The following PTDSS2 variants were observed in gnomAD, a reference collection of about 807,000 sequenced individuals.
PTDSS2 encodes the protein PSS-2.
In PTDSS2, 41 loss-of-function variants were observed where a neutral mutation model predicts 64.7. The ratio of observed to expected loss-of-function variants is 0.63; its 90% CI spans 0.49 to 0.82. The LOEUF (loss-of-function observed/expected upper bound fraction) is 0.82, where lower values mean the gene tolerates loss of function less well. Ranked by LOEUF, PTDSS2 falls within the 40% of genes least tolerant of loss-of-function variation. PTDSS2 has a pLI of 0.00. For synonymous variants in PTDSS2, 297 were observed against 277.8 expected, an observed-to-expected ratio of 1.07 and a Z score of -0.69; for missense variants, 485 against 650.0, an observed-to-expected ratio of 0.75 and a Z score of 2.76.
intron 3 of PTDSS2, among the ~76,000 whole-genome samples, chr11:474,628 T>C (rs1163803946): frequency 6.6e-6 from 1 of 152,230 alleles, no homozygotes; most frequent in East Asian, 1.9e-4. Flanking sequence ...AATCTCAGTG[T>C]ACTCTGTCCC....
intron 3 of PTDSS2, among the ~76,000 whole-genome samples, chr11:477,777 G>A (rs996651852): frequency 3.9e-5 from 6 of 152,240 alleles, no homozygotes; most frequent in African/African-American, 1.2e-4. Flanking sequence ...CTTGTGGGGC[G>A]AGGGCTGCCC....
chr11:467,737 A>AATATAG (rs575918711), intron 2 of PTDSS2, among the ~76,000 whole-genome samples: 13 of 152,198 alleles, frequency 8.5e-5, no homozygotes, highest in Admixed American at 5.2e-4. Flanking sequence ...TGTCTCAAAA[A>AATATAG]ATATAGATAT....
At position 470,945 on chromosome 11, in the gene PTDSS2, G is replaced by A. The variant is rs542842181; in HGVS notation, c.285-2950G>A. 6.6e-6 allele frequency among the ~76,000 whole-genome samples: 1 copy of A among 152,178 alleles called. No individual in the cohort carries two copies. Among genetic ancestry groups the A allele is most frequent in the South Asian group, 2.1e-4 (1 of 4,818 alleles). On this transcript the variant is annotated intron_variant, in intron 2 of 11. Coordinates refer to ENST00000308020, the MANE Select transcript of PTDSS2 (RefSeq NM_030783.3). The surrounding 1 kb of genome is among the most constrained non-coding windows in gnomAD (Gnocchi z 5.3). Reference sequence around the variant, plus strand: ...GGAAAACTGGGCCTGTGAGATATGGGAGCTTTTACTATTTTTACAATAATT... The same window carrying A: ...GGAAAACTGGGCCTGTGAGATATGGAAGCTTTTACTATTTTTACAATAATT...
rs754282328 is a variant in PTDSS2, at chr11:489,946, G to C, written c.1179G>C (p.Leu393=). The C allele has an allele frequency of 1.2e-6, 2 of 1,610,104 alleles. No homozygotes were observed. Among genetic ancestry groups the C allele is most frequent in the East Asian group, 4.5e-5 (2 of 44,828 alleles). Residue 393 remains leucine (L), a synonymous_variant, in exon 11 of 12, where the codon CTG becomes CTC. Transcript: ENST00000308020. The part of the protein sequence containing the change: ...WLVAAITATE[L]LIVVKYDPHT... Reference sequence around the variant, plus strand: ...TGGCGGCCATCACGGCCACGGAGCTGCTCATCGTGGTGAAGTACGACCCCC... The same window carrying C: ...TGGCGGCCATCACGGCCACGGAGCTCCTCATCGTGGTGAAGTACGACCCCC...
chr11:474,988 TACGGAC>T (rs1310076211), intron 3 of PTDSS2, among the ~76,000 whole-genome samples: 4 of 95,650 alleles, frequency 4.2e-5, no homozygotes, highest in African/African-American at 9.4e-5. Context: ...GCGTTTGTGA[TACGGAC>T]ATATTCACGA....
In PTDSS2 at chr11:476,730, T is replaced by C. The variant is rs956586252; in HGVS notation, c.368-2355T>C. Reference sequence around the variant, plus strand: ...GCTTCCAAAAGCTCCGGCCGCGGCGTCTCTTGAGTTGTGGCTCGTCCCCTC... The same window carrying C: ...GCTTCCAAAAGCTCCGGCCGCGGCGCCTCTTGAGTTGTGGCTCGTCCCCTC... On this transcript the variant is annotated intron_variant, in intron 3 of 11. Transcript: ENST00000308020. The surrounding 1 kb of genome is among the most constrained non-coding windows in gnomAD (Gnocchi z 4.9). Among the ~76,000 whole-genome samples the C allele has an allele frequency of 2.0e-5, 3 of 152,084 alleles. No individual in the cohort carries two copies. Among genetic ancestry groups the C allele is most frequent in the African/African-American group, 7.2e-5 (3 of 41,408 alleles).
chr11:460,432 G>C lies in PTDSS2; in HGVS notation c.284+144G>C. 1.5e-6 allele frequency: 1 copy of C among 659,150 alleles called. No individual in the cohort carries two copies. Among genetic ancestry groups the C allele is most frequent in the Non-Finnish European group, 2.7e-6 (1 of 370,612 alleles). 40.8% of individuals were successfully genotyped at this position (659,150 alleles called of 1,614,324 possible). On this transcript the variant is annotated intron_variant, in intron 2 of 11. Coordinates refer to ENST00000308020, the MANE Select transcript of PTDSS2 (RefSeq NM_030783.3). The surrounding 1 kb of genome is among the most constrained non-coding windows in gnomAD (Gnocchi z 5.8). ...GGCCGCCGGCCTCTCCCTTGAGTGT[G>C]TCTGATGTGCAGACTCCAGGGCTGC... is the stretch of plus-strand genomic sequence containing the variant.
chr11:482,908 C>T (rs1473268480), intron 4 of PTDSS2, among the ~76,000 whole-genome samples: 2 of 133,830 alleles, frequency 1.5e-5, no homozygotes, highest in Non-Finnish European at 3.1e-5. Context: ...GTGAGTTTTT[C>T]GTAGATCTCC....
At chr11:484,868 G>GTC (rs780283486) in intron 4 of PTDSS2, among the ~76,000 whole-genome samples, 1 of 142,104 alleles carries the variant, frequency 7.0e-6, no homozygotes, top group African/African-American at 2.7e-5. Context: ...TGTGCTCACT[G>GTC]TGCGCAGGCG....
At chr11:485,364 A>T (rs1418976067) in intron 4 of PTDSS2, among the ~76,000 whole-genome samples, 1 of 133,990 alleles carries the variant, frequency 7.5e-6, no homozygotes, top group Admixed American at 7.8e-5. Flanking sequence ...AGGCGTCTGT[A>T]AACAGTGCAT....
At chr11:486,505 CAG>C (rs1848395993) in intron 4 of PTDSS2, among the ~76,000 whole-genome samples, 1 of 152,202 alleles carries the variant, frequency 6.6e-6, no homozygotes. Flanking sequence ...GCTGCTGAGA[CAG>C]GGCGCTGCCC....
At chr11:482,387 T>C (rs187421618) in intron 4 of PTDSS2, among the ~76,000 whole-genome samples, 1 of 152,274 alleles carries the variant, frequency 6.6e-6, no homozygotes, top group East Asian at 1.9e-4. Context: ...CACACCCGAC[T>C]AATTTTGTAT....
At position 484,553 on chromosome 11, in the gene PTDSS2, C is replaced by T. The variant is rs560102418; in HGVS notation, c.436-2386C>T. On this transcript the variant is annotated intron_variant, in intron 4 of 11. Coordinates refer to ENST00000308020, the MANE Select transcript of PTDSS2 (RefSeq NM_030783.3). Reference sequence around the variant, plus strand: ...CAGGAGAGTGTAAACAGTGCACGGGCGCGTGTGTGCTCACTGCGCAGGCAT... The same window carrying T: ...CAGGAGAGTGTAAACAGTGCACGGGTGCGTGTGTGCTCACTGCGCAGGCAT... Among the ~76,000 whole-genome samples, 38 of 140,484 alleles carry T rather than the reference C, an allele frequency of 2.7e-4. 1 individual carries two copies. The highest frequency in any genetic ancestry group is 2.2e-3 in the Admixed American group (33 of 14,720). 92.2% of individuals were successfully genotyped at this position (140,484 alleles called of 152,430 possible). A position where few individuals can be genotyped will look rare whatever the true frequency, so the allele number is the denominator to read the frequency against.
chr11:482,504 A>G (rs968145587), intron 4 of PTDSS2, among the ~76,000 whole-genome samples: 1 of 151,656 alleles, frequency 6.6e-6, no homozygotes, highest in Non-Finnish European at 1.5e-5. Flanking sequence ...TGTGGAGATG[A>G]GGTTTCGCCA....
At chr11:477,229 T>A (rs1425630262) in intron 3 of PTDSS2, among the ~76,000 whole-genome samples, 3 of 152,234 alleles carry the variant, frequency 2.0e-5, no homozygotes, top group Non-Finnish European at 4.4e-5. Context: ...TGGCTGCAGC[T>A]CTGAGGGAGG....
In PTDSS2 at chr11:489,523, G is replaced by A. The variant is rs112439858; in HGVS notation, c.969+9G>A. Reference sequence around the variant, plus strand: ...GCGGCATCATCCTGGTGGTAAGGCCGGGCTGCCTCGCGACGGCGCGGCGGG... The same window carrying A: ...GCGGCATCATCCTGGTGGTAAGGCCAGGCTGCCTCGCGACGGCGCGGCGGG... On this transcript the variant is annotated intron_variant, in intron 9 of 11. Coordinates refer to ENST00000308020, the MANE Select transcript of PTDSS2 (RefSeq NM_030783.3). The A allele has an allele frequency of 3.6e-4, 586 of 1,611,842 alleles. 2 individuals carry two copies. In the African/African-American group the frequency reaches 7.1e-3, roughly 19 times the overall value.
At position 489,380 on chromosome 11, in the gene PTDSS2, G is replaced by A; in HGVS notation, c.855-20G>A. ...TTCGGTGGGCTGCCTTCCTCAGGCT[G>A]CCGGCTCTGTGGTTCCCAGGGGCAA... On this transcript the variant is annotated intron_variant, in intron 8 of 11. Transcript: ENST00000308020. 1 of 1,605,600 alleles carries A rather than the reference G, an allele frequency of 6.2e-7. No homozygotes were observed. Among genetic ancestry groups the A allele is most frequent in the Non-Finnish European group, 8.5e-7 (1 of 1,174,648 alleles).
chr11:486,252 G>A (rs2133835419), intron 4 of PTDSS2, among the ~76,000 whole-genome samples: 1 of 152,282 alleles, frequency 6.6e-6, no homozygotes, highest in Non-Finnish European at 1.5e-5. Flanking sequence ...TTCCACAAGG[G>A]CGACTCCTGT....
At chr11:448,934 C>T (rs1846205356), upstream of PTDSS2, among the ~76,000 whole-genome samples, 1 of 152,164 alleles carries the variant, frequency 6.6e-6, no homozygotes, top group Admixed American at 6.5e-5. Context: ...TGTAGTCGCT[C>T]CTTATTACCC....
Sources: allele counts gnomAD v4.1 joint callset (sites outside exome capture counted in the v4.1 genomes callset), GRCh38; gene constraint gnomAD v4.1.1; non-coding constraint Gnocchi (gnomAD v3.1); transcripts MANE v1.5; gene names NCBI Gene and HGNC (gene_info 2026-07-23, HGNC 2026-07-21).